Variants in NUP153 observed in about 807,000 individuals in gnomAD.
The protein encoded by NUP153 is nucleoporin 153, also known as nuclear pore complex protein Nup153.
A neutral mutation model predicts 134.6 loss-of-function variants in NUP153; 27 were observed. That is an observed-to-expected ratio of 0.20 (90% confidence interval 0.15 to 0.28). The LOEUF (loss-of-function observed/expected upper bound fraction) is 0.28, where lower values mean the gene tolerates loss of function less well. Among genes scored for constraint, NUP153 ranks in the 10% least tolerant of loss-of-function variants. The pLI is 1.00. For missense variants in NUP153, 1,821 were observed against 1,731.3 expected (o/e 1.05, Z -0.92); for synonymous variants, 640 against 623.5 (o/e 1.03, Z -0.40).
chr6:17,647,888 C>A lies in NUP153; in HGVS notation c.1551G>T (p.Pro517=). 6.2e-7 allele frequency: 1 copy of A among 1,611,858 alleles called. No individual in the cohort carries two copies. The highest frequency in any genetic ancestry group is 8.5e-7 in the Non-Finnish European group (1 of 1,178,576). The change falls in exon 13 of 22, where the codon CCG becomes CCT. Residue 517 remains proline (P), a synonymous_variant. Coordinates refer to ENST00000262077, the MANE Select transcript of NUP153 (RefSeq NM_005124.4). ...TAAACATGGGACTGCCAGTGCTGCT[C>A]GGAGAGGTCATTTGTACCTGGTTTT... ...ALTNKVQMTS[P]SSTGSPMFKF...
chr6:17,672,050 T>C (rs1316156863), intron 5 of NUP153, among the ~76,000 whole-genome samples: 2 of 151,696 alleles, frequency 1.3e-5, no homozygotes, highest in Non-Finnish European at 2.9e-5. Context: ...TAGCAGACTG[T>C]AGAAACAAGC....
chr6:17,679,695 T>A (rs1367859961), intron 2 of NUP153, among the ~76,000 whole-genome samples: 1 of 152,332 alleles, frequency 6.6e-6, no homozygotes, highest in South Asian at 2.1e-4. Flanking sequence ...CTCCTTCACA[T>A]ATGTATTTTT....
intron 2 of NUP153, among the ~76,000 whole-genome samples, chr6:17,688,051 G>A (rs551720925): frequency 5.3e-5 from 8 of 151,946 alleles, no homozygotes; most frequent in South Asian, 2.1e-4. Flanking sequence ...TTCGGGAGGC[G>A]GAGCTTGCAG....
At chr6:17,621,353 G>C (rs1030730493) in intron 20 of NUP153, among the ~76,000 whole-genome samples, 1 of 152,068 alleles carries the variant, frequency 6.6e-6, no homozygotes, top group African/African-American at 2.4e-5. Context: ...CCCACTACTG[G>C]CTATTTATCC....
rs962850097 is a variant in NUP153, at chr6:17,706,588, G to A, written c.-201C>T. The A allele has an allele frequency of 1.4e-5, 8 of 580,348 alleles. No homozygotes were observed. The Middle Eastern group carries it at 1.4e-3, about 98-fold the overall frequency. The allele number at this position is 580,348 out of a possible 1,614,324, so 35.9% of individuals were successfully genotyped here. On this transcript the variant is annotated 5_prime_UTR_variant, in exon 1 of 22. Coordinates refer to ENST00000262077, the MANE Select transcript of NUP153 (RefSeq NM_005124.4). The surrounding 1 kb of genome is among the most constrained non-coding windows in gnomAD (Gnocchi z 5.9). ...GAGGGTGAGTGCTGGCAGCGGGGAA[G>A]GGGGTGGCGGCCGCAGAGGCCGAGG...
At chr6:17,618,617 G>C (rs1028772939) in intron 20 of NUP153, among the ~76,000 whole-genome samples, 1 of 149,466 alleles carries the variant, frequency 6.7e-6, no homozygotes, top group East Asian at 2.0e-4. Flanking sequence ...CCAGGCTGGA[G>C]TGCAGTGGCA....
Position 17,625,186 on chromosome 6 carries a change from CTG to C in NUP153, c.3902-355_3902-354del, listed in dbSNP as rs752366709. On this transcript the variant is annotated intron_variant, in intron 19 of 21. Transcript: ENST00000262077. This position sits in a 1 kb window ranked among gnomAD's most constrained non-coding sequence, Gnocchi z 4.7. ...GCATATATACATTGCATAATAAAGA[CTG>C]ATGTTTAATAAAACAACTTCCAGTG... Among the ~76,000 whole-genome samples, 97 of 152,242 alleles carry C rather than the reference CTG, an allele frequency of 6.4e-4. No homozygotes were observed. The highest frequency in any genetic ancestry group is 1.2e-3 in the Non-Finnish European group (82 of 68,026).
chr6:17,670,856 G>A (rs1342034944), intron 5 of NUP153, among the ~76,000 whole-genome samples: 2 of 151,744 alleles, frequency 1.3e-5, no homozygotes, highest in African/African-American at 2.4e-5. Flanking sequence ...TGTTGCCCAG[G>A]CTGGAGTGCG....
At chr6:17,640,761 C>T (rs80307851) in intron 14 of NUP153, among the ~76,000 whole-genome samples, 6,217 of 152,124 alleles carry the variant, frequency 0.041, 394 homozygotes, top group East Asian at 0.29. Flanking sequence ...GGAACACAGG[C>T]GCATGCCACC....
In NUP153 at chr6:17,637,615, G is replaced by A; in HGVS notation, c.2002C>T (p.Leu668=). The A allele has an allele frequency of 6.2e-7, 1 of 1,614,084 alleles. No individual in the cohort carries two copies. ...TTGTCTGTAACTTTGTTCTGGAGTAGACATGTATCACACTGCCATGATGAC... is the reference window on the plus strand; with the variant it reads ...TTGTCTGTAACTTTGTTCTGGAGTAAACATGTATCACACTGCCATGATGAC... ...AGSSWQCDTC[L]LQNKVTDNKC... Residue 668 remains leucine, a synonymous_variant, in exon 16 of 22, where the codon CTA becomes TTA. Transcript: ENST00000262077.
intron 1 of NUP153, 143 bp from the exon 2 acceptor site, chr6:17,688,761 C>A: frequency 1.6e-6 from 1 of 619,812 alleles, no homozygotes; most frequent in Non-Finnish European, 2.8e-6. Flanking sequence ...TTACTGCTAA[C>A]ATAATGGTTT....
intron 11 of NUP153, among the ~76,000 whole-genome samples, chr6:17,661,363 C>T (rs1231896291): frequency 6.6e-6 from 1 of 152,072 alleles, no homozygotes; most frequent in East Asian, 1.9e-4. Flanking sequence ...AACTTATTTA[C>T]GTATGTTTTA....
At chr6:17,620,105 A>C (rs1764570887) in intron 20 of NUP153, among the ~76,000 whole-genome samples, 4 of 115,396 alleles carry the variant, frequency 3.5e-5, no homozygotes, top group Admixed American at 1.9e-4. Context: ...CAAAAAAAAA[A>C]AAAAAAAAAA....
intron 1 of NUP153, among the ~76,000 whole-genome samples, chr6:17,697,275 G>A (rs895713180): frequency 1.1e-4 from 16 of 152,264 alleles, no homozygotes; most frequent in African/African-American, 3.4e-4. Flanking sequence ...CTGAGATTTA[G>A]ACTAATTAAA....
At chr6:17,626,300 C>T (rs1039970766) in intron 18 of NUP153, 136 bp from the exon 19 acceptor site, 7 of 628,740 alleles carry the variant, frequency 1.1e-5, no homozygotes, top group Non-Finnish European at 1.7e-5. Context: ...TAGATTACTT[C>T]ATCAAATGGA....
Position 17,626,051 on chromosome 6 carries a change from T to G in NUP153, c.3658A>C (p.Asn1220His), listed in dbSNP as rs779858702. The change falls in exon 19 of 22, where the codon AAT (asparagine) becomes CAT (histidine). Residue 1220 changes from asparagine to histidine, a missense_variant. Transcript: ENST00000262077. ...GIFGSSTSSSNPPVATFVFGQ... is the reference protein window; with the variant it reads ...GIFGSSTSSSHPPVATFVFGQ... ...AACACAAAGGTAGCCACAGGTGGAT[T>G]GGAGGAAGAGGTGGAACTACCAAAT... The G allele has an allele frequency of 1.2e-5, 20 of 1,614,142 alleles. No homozygotes were observed. Among genetic ancestry groups the G allele is most frequent in the Non-Finnish European group, 1.7e-5 (20 of 1,180,032 alleles).
intron 1 of NUP153, among the ~76,000 whole-genome samples, chr6:17,692,171 T>C (rs1769320226): frequency 6.6e-6 from 1 of 152,160 alleles, no homozygotes; most frequent in Non-Finnish European, 1.5e-5. Flanking sequence ...AAAACATAAC[T>C]GGTCAAAGTG....
Position 17,694,991 on chromosome 6 carries a change from AAAG to A in NUP153, c.112-6376_112-6374del, listed in dbSNP as rs550009987. Among the ~76,000 whole-genome samples the A allele has an allele frequency of 4.9e-4, 74 of 151,892 alleles. 1 individual carries two copies. The highest frequency in any genetic ancestry group is 3.6e-3 in the South Asian group (17 of 4,782). ...GAGACTCTGTCTCAAGGAAAAAAAA[AAAG>A]AGAGAGTGGGAAGTACTATGGACTG... On this transcript the variant is annotated intron_variant, in intron 1 of 21. Coordinates refer to ENST00000262077, the MANE Select transcript of NUP153 (RefSeq NM_005124.4).
Position 17,637,351 on chromosome 6 carries a change from G to C in NUP153, c.2266C>G (p.Arg756Gly), listed in dbSNP as rs1262781917. ...ETPKPGTCVKRALTLTVVSES... is the reference protein window; with the variant it reads ...ETPKPGTCVKGALTLTVVSES... ...GAAACCACTGTCAATGTAAGGGCTC[G>C]CTTCACACAAGTTCCAGGTTTCGGT... Residue 756 changes from arginine (R) to glycine (G), a missense_variant, in exon 16 of 22, where the codon CGA becomes GGA. Coordinates refer to ENST00000262077, the MANE Select transcript of NUP153 (RefSeq NM_005124.4). 6.2e-7 allele frequency: 1 copy of C among 1,614,138 alleles called. No individual in the cohort carries two copies. Among genetic ancestry groups the C allele is most frequent in the South Asian group, 1.1e-5 (1 of 91,076 alleles).
Sources: gnomAD v4.1 joint callset for allele counts (sites outside exome capture counted in the v4.1 genomes callset) on GRCh38, gnomAD v4.1.1 for gene constraint, Gnocchi (gnomAD v3.1) non-coding constraint, MANE v1.5 for transcripts, NCBI Gene and HGNC (gene_info 2026-07-23, HGNC 2026-07-21) for gene names.